HTR2A: variants seen among roughly 807,000 people sequenced by gnomAD.
HTR2A encodes the protein 5-HT2 receptor.
In HTR2A, 14 loss-of-function variants were observed where a neutral mutation model predicts 31.0. That is an observed-to-expected ratio of 0.45 (90% confidence interval 0.30 to 0.71). The LOEUF (loss-of-function observed/expected upper bound fraction) is 0.71. HTR2A is among the 30% of genes least tolerant of loss of function. The pLI is 0.09. For missense variants in HTR2A, 442 were observed against 573.3 expected, an observed-to-expected ratio of 0.77 and a Z score of 2.34; for synonymous variants, 209 against 225.2, an observed-to-expected ratio of 0.93 and a Z score of 0.64.
At chr13:46,893,917 G>A (rs1951076533) in intron 2 of HTR2A, among the ~76,000 whole-genome samples, 1 of 152,234 alleles carries the variant, frequency 6.6e-6, no homozygotes, top group Non-Finnish European at 1.5e-5. Flanking sequence ...AGTAAAGGGC[G>A]TAGGTACAAG....
At chr13:46,886,271 A>G (rs1951005520) in intron 3 of HTR2A, among the ~76,000 whole-genome samples, 1 of 152,202 alleles carries the variant, frequency 6.6e-6, no homozygotes, top group Non-Finnish European at 1.5e-5. Context: ...TAATCATAAG[A>G]GCAATGGAAG....
chr13:46,875,935 T>A (rs533641132), intron 3 of HTR2A, among the ~76,000 whole-genome samples: 2 of 152,328 alleles, frequency 1.3e-5, no homozygotes, highest in East Asian at 3.9e-4. Flanking sequence ...CTGAAAAAGA[T>A]GAGTTCAACA....
chr13:46,856,594 T>TAAA (rs34758371), intron 3 of HTR2A, among the ~76,000 whole-genome samples: 1 of 145,856 alleles, frequency 6.9e-6, no homozygotes, highest in African/African-American at 2.5e-5. Flanking sequence ...CTCTCTTAGT[T>TAAA]AAAAAAAAAA....
At position 46,871,455 on chromosome 13, in the gene HTR2A, A is replaced by T. The variant is rs547918951; in HGVS notation, c.613+20935T>A. Among the ~76,000 whole-genome samples, 25 of 152,326 alleles carry T rather than the reference A, an allele frequency of 1.6e-4. 1 individual carries two copies. In the South Asian group the frequency reaches 5.2e-3, roughly 32 times the overall value. On this transcript the variant is annotated intron_variant, in intron 3 of 3. Coordinates refer to ENST00000542664, the MANE Select transcript of HTR2A (RefSeq NM_000621.5). ...CCAAACTATTACAGGCTGCTGAACC[A>T]CTGATCAGGCTGCTAACTAATCAGT...
At chr13:46,865,043 T>G (rs1156459866) in intron 3 of HTR2A, among the ~76,000 whole-genome samples, 1 of 152,200 alleles carries the variant, frequency 6.6e-6, no homozygotes, top group Non-Finnish European at 1.5e-5. Flanking sequence ...ACTATGTCCC[T>G]AAAACCCGAG....
At chr13:46,847,739 C>G (rs1950654007) in intron 3 of HTR2A, among the ~76,000 whole-genome samples, 1 of 152,194 alleles carries the variant, frequency 6.6e-6, no homozygotes, top group Non-Finnish European at 1.5e-5. Context: ...GAGGCCCAAA[C>G]AACTTTTTGT....
chr13:46,846,576 G>C (rs1390363268), intron 3 of HTR2A, among the ~76,000 whole-genome samples: 1 of 152,200 alleles, frequency 6.6e-6, no homozygotes, highest in Non-Finnish European at 1.5e-5. Context: ...TCCCAGAATG[G>C]CTGATAATGG....
At chr13:46,877,903 A>C (rs731779) in intron 3 of HTR2A, among the ~76,000 whole-genome samples, 23,876 of 151,988 alleles carry the variant, frequency 0.16, 1,994 homozygotes, top group Non-Finnish European at 0.19. Context: ...AGATTAAAAA[A>C]TGAAAGTGTG....
intron 3 of HTR2A, among the ~76,000 whole-genome samples, chr13:46,877,905 G>C (rs1426820724): frequency 6.6e-6 from 1 of 152,044 alleles, no homozygotes; most frequent in Non-Finnish European, 1.5e-5. Context: ...ATTAAAAAAT[G>C]AAAGTGTGGG....
chr13:46,838,619 T>A (rs1950576441), intron 3 of HTR2A, among the ~76,000 whole-genome samples: 1 of 152,160 alleles, frequency 6.6e-6, no homozygotes, highest in Admixed American at 6.5e-5. Context: ...GAGTTAACAC[T>A]GATGTAATTT....
At chr13:46,881,649 A>T (rs966901452) in intron 3 of HTR2A, among the ~76,000 whole-genome samples, 1 of 152,242 alleles carries the variant, frequency 6.6e-6, no homozygotes, top group Non-Finnish European at 1.5e-5. Context: ...AAGTGAGGAC[A>T]GGTAACCCAA....
intron 3 of HTR2A, among the ~76,000 whole-genome samples, chr13:46,838,767 A>G (rs1950577064): frequency 1.3e-5 from 2 of 152,148 alleles, no homozygotes; most frequent in African/African-American, 4.8e-5. Context: ...CAACCGTCCA[A>G]AAAAGGTGTG....
chr13:46,870,933 G>A (rs868159945), intron 3 of HTR2A, among the ~76,000 whole-genome samples: 3 of 152,250 alleles, frequency 2.0e-5, no homozygotes, highest in African/African-American at 4.8e-5. Flanking sequence ...AGTAGTCCAA[G>A]TTCTTTTAAC....
intron 3 of HTR2A, among the ~76,000 whole-genome samples, chr13:46,877,593 A>T (rs1286573571): frequency 2.0e-5 from 3 of 152,156 alleles, no homozygotes; most frequent in Admixed American, 6.5e-5. Flanking sequence ...GTGTACCTGG[A>T]TAGGCATTTT....
intron 3 of HTR2A, among the ~76,000 whole-genome samples, chr13:46,873,478 G>A (rs1950881292): frequency 6.9e-6 from 1 of 144,888 alleles, no homozygotes; most frequent in Non-Finnish European, 1.5e-5. Flanking sequence ...TTAAGTTTTA[G>A]GGTATATGTG....
chr13:46,897,091 G>T, upstream of HTR2A: 1 of 432,018 alleles, frequency 2.3e-6, no homozygotes, highest in South Asian at 3.2e-5. Context: ...CCCTCTATGT[G>T]TATGTCATAA....
chr13:46,885,541 A>G (rs779084592), intron 3 of HTR2A, among the ~76,000 whole-genome samples: 1 of 152,186 alleles, frequency 6.6e-6, no homozygotes, highest in African/African-American at 2.4e-5. Context: ...ACATAATCCA[A>G]CCTTTCCATT....
Position 46,861,251 on chromosome 13 carries a change from A to C in HTR2A, c.614-25612T>G, listed in dbSNP as rs115534940. 7.7e-3 allele frequency among the ~76,000 whole-genome samples: 1,171 copies of C among 152,316 alleles called. 15 individuals are homozygous for C. The highest frequency in any genetic ancestry group is 0.027 in the African/African-American group (1,109 of 41,566). ...CAATTCTATTGTGTTAGCATTCCTGATATTTGTAAACTTGGGCTGACGTGC... is the reference window on the plus strand; with the variant it reads ...CAATTCTATTGTGTTAGCATTCCTGCTATTTGTAAACTTGGGCTGACGTGC... On this transcript the variant is annotated intron_variant, in intron 3 of 3. Transcript: ENST00000542664.
At chr13:46,850,199 CT>C (rs1204382628) in intron 3 of HTR2A, among the ~76,000 whole-genome samples, 1 of 152,204 alleles carries the variant, frequency 6.6e-6, no homozygotes, top group Non-Finnish European at 1.5e-5. Context: ...AATCATCCAT[CT>C]TTACATGCTA....
Sources: allele counts gnomAD v4.1 joint callset (sites outside exome capture counted in the v4.1 genomes callset), GRCh38; gene constraint gnomAD v4.1.1; transcripts MANE v1.5; gene names NCBI Gene and HGNC (gene_info 2026-07-23, HGNC 2026-07-21).